VWDE: variants seen among roughly 807,000 people sequenced by gnomAD.
VWDE encodes von Willebrand factor D and EGF domain-containing protein.
VWDE carries 207 observed loss-of-function variants against 178.4 expected under a neutral mutation model. The observed-to-expected ratio is 1.16, with a 90% CI of 1.04 to 1.30. The LOEUF (loss-of-function observed/expected upper bound fraction) is 1.30, where lower values mean the gene tolerates loss of function less well. Among genes scored for constraint, VWDE ranks in the 50% most tolerant of loss-of-function variants. VWDE has a pLI of 0.00. For synonymous variants in VWDE, 738 were observed against 651.4 expected (o/e 1.13, Z -2.02); for missense variants, 2,287 against 1,901.3 (o/e 1.20, Z -3.77).
At chr7:12,377,731 T>C (rs1783615294) in intron 7 of VWDE, 45 bp downstream of exon 7, 3 of 1,247,982 alleles carry the variant, frequency 2.4e-6, no homozygotes, top group Non-Finnish European at 3.2e-6. Context: ...AAAAGCATTA[T>C]TGTTTGCAAT....
chr7:12,393,855 T>C (rs1333239627), intron 1 of VWDE, 77 bp from the exon 2 acceptor site: 1 of 1,267,008 alleles, frequency 7.9e-7, no homozygotes, highest in African/African-American at 1.5e-5. Flanking sequence ...TAAAATTGAT[T>C]CCCAAAACAA....
chr7:12,357,590 G>A, intron 16 of VWDE, 75 bp from the exon 17 acceptor site: 1 of 1,466,640 alleles, frequency 6.8e-7, no homozygotes, highest in Non-Finnish European at 9.1e-7. Context: ...AGCTCCCACA[G>A]AGATATGCAT....
intron 2 of VWDE, 141 bp downstream of exon 2, chr7:12,393,453 G>A (rs1213667248): frequency 2.9e-6 from 2 of 680,024 alleles, no homozygotes; most frequent in Non-Finnish European, 4.8e-6. Flanking sequence ...TAGGTAATGT[G>A]GGAATAGTCT....
chr7:12,402,731 T>A (rs1385156270), intron 1 of VWDE, among the ~76,000 whole-genome samples: 2 of 152,186 alleles, frequency 1.3e-5, no homozygotes, highest in African/African-American at 4.8e-5. Context: ...ATAAATTTGA[T>A]TTTAGTATTT....
chr7:12,374,869 A>T, intron 8 of VWDE, 107 bp from the exon 9 acceptor site: 3 of 1,151,908 alleles, frequency 2.6e-6, no homozygotes, highest in Non-Finnish European at 2.4e-6. Context: ...TATTGTTTTT[A>T]TCATAGTTAT....
chr7:12,389,023 A>G, intron 3 of VWDE, 104 bp downstream of exon 3: 1 of 856,556 alleles, frequency 1.2e-6, no homozygotes, highest in Non-Finnish European at 1.9e-6. Flanking sequence ...TAGACTGAGT[A>G]TCTTACTGAG....
At chr7:12,333,344 A>G in intron 28 of VWDE, 121 bp downstream of exon 28, 1 of 685,864 alleles carries the variant, frequency 1.5e-6, no homozygotes, top group Non-Finnish European at 2.3e-6. Context: ...TTTAGAGGCA[A>G]ATAAATGCTT....
In VWDE at chr7:12,388,044, G is replaced by A. The variant is rs114419490; in HGVS notation, c.475+1083C>T. 6.2e-3 allele frequency among the ~76,000 whole-genome samples: 943 copies of A among 152,172 alleles called. 6 individuals are homozygous for A. The highest frequency in any genetic ancestry group is 0.041 in the Middle Eastern group (12 of 292). On this transcript the variant is annotated intron_variant, in intron 3 of 28. Coordinates refer to ENST00000275358, the MANE Select transcript of VWDE (RefSeq NM_001135924.3). ...GACTGTACTCAGATTTTACGAATCT[G>A]AATTTTTCAATTTTCCCAATCAGGA...
chr7:12,377,007 G>A (rs1256980149), intron 7 of VWDE, among the ~76,000 whole-genome samples: 2 of 151,972 alleles, frequency 1.3e-5, no homozygotes, highest in Non-Finnish European at 2.9e-5. Flanking sequence ...TAAAGACAAT[G>A]TAATGTTCTA....
intron 1 of VWDE, among the ~76,000 whole-genome samples, chr7:12,401,323 T>A (rs1161080859): frequency 6.6e-6 from 1 of 152,066 alleles, no homozygotes; most frequent in Non-Finnish European, 1.5e-5. Context: ...AAAACTAAAG[T>A]ATAGTAGCCC....
rs982116172 is a variant in VWDE at position 12,371,352 on chromosome 7, G to T, written c.1588-488C>A. On this transcript the variant is annotated intron_variant, in intron 10 of 28. Transcript: ENST00000275358. The stretch of plus-strand genomic sequence containing the variant: ...TCAGAAGCTAAATTATAACTAGAAG[G>T]TAGCTTGGGGAGTTGGCAATCTGAG... Among the ~76,000 whole-genome samples the T allele has an allele frequency of 4.6e-5, 7 of 152,180 alleles. No individual in the cohort carries two copies. The East Asian group carries it at 1.4e-3, about 30-fold the overall frequency.
chr7:12,381,446 T>C (rs931132251), intron 4 of VWDE, among the ~76,000 whole-genome samples: 2 of 152,130 alleles, frequency 1.3e-5, no homozygotes, highest in Non-Finnish European at 2.9e-5. Context: ...TTTTAAAATG[T>C]TCTAAAATAA....
chr7:12,331,837 GC>G (rs1185384756), intron 28 of VWDE, among the ~76,000 whole-genome samples: 18 of 152,202 alleles, frequency 1.2e-4, no homozygotes, highest in African/African-American at 3.9e-4. Flanking sequence ...GCTTCTCAAA[GC>G]CTTTTATCAA....
At position 12,369,652 on chromosome 7, in the gene VWDE, A is replaced by C. The variant is rs1783053088; in HGVS notation, c.2654T>G (p.Leu885Arg). 1 of 1,551,628 alleles carries C rather than the reference A, an allele frequency of 6.4e-7. No individual in the cohort carries two copies. The highest frequency in any genetic ancestry group is 1.4e-5 in the African/African-American group (1 of 73,118). The stretch of plus-strand genomic sequence containing the variant: ...TAAATTGGGGCATTTTAATACTGAG[A>C]GAATGTCTTCAATTGATGTGCCATA... ...EEYGTSIEDI[L>R]SVLKCPNLCS... is the part of the protein sequence containing the mutation. Residue 885 changes from leucine (L) to arginine (R), a missense_variant, in exon 12 of 29, where the codon CTC becomes CGC. Leu to Arg is a moderately radical substitution (Grantham distance 102). Coordinates refer to ENST00000275358, the MANE Select transcript of VWDE (RefSeq NM_001135924.3).
At chr7:12,386,229 A>T (rs1004300820) in intron 3 of VWDE, among the ~76,000 whole-genome samples, 1 of 152,304 alleles carries the variant, frequency 6.6e-6, no homozygotes, top group South Asian at 2.1e-4. Context: ...AAATATTTTT[A>T]AAATATTTCA....
chr7:12,333,801 G>A (rs1249431060), intron 27 of VWDE: 3 of 335,714 alleles, frequency 8.9e-6, no homozygotes, highest in Non-Finnish European at 1.6e-5. Context: ...ATTCTATAAA[G>A]ATATTATTAA....
Position 12,340,399 on chromosome 7 carries a change from C to T in VWDE, c.4289G>A (p.Cys1430Tyr). The T allele has an allele frequency of 6.4e-7, 1 of 1,551,300 alleles. No individual in the cohort carries two copies. Among genetic ancestry groups the T allele is most frequent in the East Asian group, 2.4e-5 (1 of 40,890 alleles). Residue 1430 changes from cysteine (C) to tyrosine (Y), a missense_variant, in exon 24 of 29, where the codon TGC (cysteine) becomes TAC (tyrosine). Coordinates refer to ENST00000275358, the MANE Select transcript of VWDE (RefSeq NM_001135924.3). ...CTTATTACACGAACCACCATTGAGG[C>T]AGACAGGGTCGCACAAAGCTAATAA... ...TCSTALCDPVCLNGGSCNKPN... is the reference protein window; with the variant it reads ...TCSTALCDPVYLNGGSCNKPN...
chr7:12,379,610 G>T, intron 5 of VWDE, 44 bp from the exon 6 acceptor site: 1 of 1,386,530 alleles, frequency 7.2e-7, no homozygotes. Flanking sequence ...ATTCAATTTT[G>T]GAGAAAACGT....
chr7:12,379,590 T>A, intron 5 of VWDE, 24 bp from the exon 6 acceptor site: 1 of 1,497,466 alleles, frequency 6.7e-7, no homozygotes, highest in Non-Finnish European at 9.0e-7. Flanking sequence ...TAAAAAATAA[T>A]CACTTAGAAA....
Sources: gnomAD v4.1 joint callset for allele counts (sites outside exome capture counted in the v4.1 genomes callset) on GRCh38, gnomAD v4.1.1 for gene constraint, MANE v1.5 for transcripts, NCBI Gene and HGNC (gene_info 2026-07-23, HGNC 2026-07-21) for gene names.